Variants in RFX3 observed in about 807,000 individuals in gnomAD.
RFX3 encodes the protein transcription factor RFX3.
RFX3 carries 14 observed loss-of-function variants against 98.6 expected under a neutral mutation model. The ratio of observed to expected loss-of-function variants is 0.14; its 90% CI spans 0.09 to 0.22. RFX3 has a LOEUF of 0.22. Ranked by LOEUF, RFX3 falls within the 10% of genes least tolerant of loss-of-function variation. RFX3 has a pLI of 1.00. For missense variants in RFX3, 639 were observed against 926.9 expected (o/e 0.69, Z 4.03); for synonymous variants, 383 against 328.4 (o/e 1.17, Z -1.80).
chr9:3,488,289 C>T (rs1178013767), intron 1 of RFX3, among the ~76,000 whole-genome samples: 1 of 152,180 alleles, frequency 6.6e-6, no homozygotes, highest in Non-Finnish European at 1.5e-5. Flanking sequence ...TTCACCAACA[C>T]ATCTATTGAT....
At chr9:3,504,882 TATATA>T (rs1316269138) in intron 1 of RFX3, among the ~76,000 whole-genome samples, 19 of 70,834 alleles carry the variant, frequency 2.7e-4, no homozygotes, top group East Asian at 7.4e-4. Flanking sequence ...ATATATATTA[TATATA>T]ATATAACATA....
chr9:3,304,633 C>A (rs1332565352), intron 4 of RFX3, among the ~76,000 whole-genome samples: 5 of 151,942 alleles, frequency 3.3e-5, no homozygotes, highest in South Asian at 2.1e-4. Flanking sequence ...GTAAGTCTCA[C>A]GAGATCTGAT....
At chr9:3,452,899 G>C (rs1846792883) in intron 1 of RFX3, among the ~76,000 whole-genome samples, 1 of 152,098 alleles carries the variant, frequency 6.6e-6, no homozygotes, top group African/African-American at 2.4e-5. Flanking sequence ...CAGGAGATTA[G>C]ACTAAAATGA....
intron 1 of RFX3, among the ~76,000 whole-genome samples, chr9:3,516,055 A>AT (rs879285687): frequency 0.021 from 3,070 of 148,896 alleles, 85 homozygotes; most frequent in African/African-American, 0.053. Flanking sequence ...AAAAAAAAAA[A>AT]TTTTTTTTTT....
chr9:3,409,657 T>G (rs1842288642), intron 1 of RFX3, among the ~76,000 whole-genome samples: 1 of 152,196 alleles, frequency 6.6e-6, no homozygotes, highest in African/African-American at 2.4e-5. Flanking sequence ...TTTAACAAAA[T>G]GGCCATTCAG....
intron 1 of RFX3, among the ~76,000 whole-genome samples, chr9:3,399,368 T>A (rs535510738): frequency 1.3e-5 from 2 of 151,520 alleles, no homozygotes; most frequent in Admixed American, 1.3e-4. Flanking sequence ...CCCTTGAACT[T>A]GGGAGGCAGA....
rs1832918789 is a variant in RFX3, at chr9:3,334,331, A to C, written c.216-3814T>G. 2.0e-5 allele frequency among the ~76,000 whole-genome samples: 3 copies of C among 152,228 alleles called. No individual in the cohort carries two copies. The South Asian group carries it at 6.2e-4, about 32-fold the overall frequency. The stretch of plus-strand genomic sequence containing the variant: ...GCCATGGAAAAGGCAGGGCCATTTC[A>C]GAAGATACTTACCACTTCGGATTGG... On this transcript the variant is annotated intron_variant, in intron 3 of 16. Transcript: ENST00000617270.
rs529511294 is a variant in RFX3 at position 3,309,430 on chromosome 9, C to T, written c.475-7810G>A. 2.6e-5 allele frequency among the ~76,000 whole-genome samples: 4 copies of T among 152,252 alleles called. No homozygotes were observed. In the South Asian group the frequency reaches 6.2e-4, roughly 24 times the overall value. ...GAAAACTTCCCCAATCACCAAGATG[C>T]TAATGCTGCCTTGTTGGAATGAAGG... is the stretch of plus-strand genomic sequence containing the variant. On this transcript the variant is annotated intron_variant, in intron 4 of 16. Coordinates refer to ENST00000617270, the MANE Select transcript of RFX3 (RefSeq NM_001282116.2).
At chr9:3,436,507 T>A (rs975630569) in intron 1 of RFX3, among the ~76,000 whole-genome samples, 1 of 152,074 alleles carries the variant, frequency 6.6e-6, no homozygotes, top group Admixed American at 6.6e-5. Context: ...AGAGTATTTA[T>A]GTCAAAACTA....
At chr9:3,372,912 G>T (rs920929198) in intron 2 of RFX3, among the ~76,000 whole-genome samples, 1 of 151,956 alleles carries the variant, frequency 6.6e-6, no homozygotes, top group East Asian at 1.9e-4. Context: ...GTACTTAACA[G>T]TTCTTCCATT....
chr9:3,505,330 ATT>A (rs1178857058), intron 1 of RFX3, among the ~76,000 whole-genome samples: 1 of 91,124 alleles, frequency 1.1e-5, no homozygotes, highest in African/African-American at 5.6e-5. Context: ...GTATATTTAT[ATT>A]TTATATAAAT....
chr9:3,362,492 A>G (rs1346269181), intron 2 of RFX3, among the ~76,000 whole-genome samples: 1 of 152,192 alleles, frequency 6.6e-6, no homozygotes, highest in African/African-American at 2.4e-5. Flanking sequence ...ACTTTAACAG[A>G]TGCTTCCAGC....
In RFX3 at chr9:3,253,264, G is replaced by A. The variant is rs183781117; in HGVS notation, c.1814+3727C>T. On this transcript the variant is annotated intron_variant, in intron 14 of 16. Transcript: ENST00000617270. ...CACACCCTTCAGGTGAGAACATCAC[G>A]CCTGTGATCCTTATGTGAACTCACT... Among the ~76,000 whole-genome samples, 396 of 152,266 alleles carry A rather than the reference G, an allele frequency of 2.6e-3. 2 individuals carry two copies. Among genetic ancestry groups the A allele is most frequent in the African/African-American group, 9.2e-3 (384 of 41,550 alleles).
chr9:3,308,293 G>A (rs182679617), intron 4 of RFX3, among the ~76,000 whole-genome samples: 43 of 152,228 alleles, frequency 2.8e-4, no homozygotes, highest in African/African-American at 1.0e-3. Context: ...AGATCAAATG[G>A]TGGGGTGAGC....
At chr9:3,402,883 A>G (rs1841604004) in intron 1 of RFX3, among the ~76,000 whole-genome samples, 1 of 151,972 alleles carries the variant, frequency 6.6e-6, no homozygotes, top group African/African-American at 2.4e-5. Context: ...ATTCTGGAGT[A>G]GATAATGAAC....
At chr9:3,518,042 C>G (rs771617653) in intron 1 of RFX3, among the ~76,000 whole-genome samples, 3 of 152,174 alleles carry the variant, frequency 2.0e-5, no homozygotes, top group Non-Finnish European at 2.9e-5. Context: ...ATACTTATCT[C>G]TGAGTTACAA....
chr9:3,332,570 C>T (rs905501545), intron 3 of RFX3, among the ~76,000 whole-genome samples: 4 of 152,198 alleles, frequency 2.6e-5, no homozygotes, highest in Admixed American at 1.3e-4. Flanking sequence ...TCCAACTTTG[C>T]TGCCAGGAGA....
intron 1 of RFX3, among the ~76,000 whole-genome samples, chr9:3,483,486 T>C (rs1849988576): frequency 6.6e-6 from 1 of 152,044 alleles, no homozygotes; most frequent in Non-Finnish European, 1.5e-5. Context: ...ACACAGATAA[T>C]ACAAAGGAGG....
At chr9:3,375,926 C>T (rs1049170293) in intron 2 of RFX3, among the ~76,000 whole-genome samples, 1 of 151,948 alleles carries the variant, frequency 6.6e-6, no homozygotes, top group African/African-American at 2.4e-5. Flanking sequence ...CGCCACTGCA[C>T]TCCAGCCTGG....
Sources: allele counts gnomAD v4.1 joint callset (sites outside exome capture counted in the v4.1 genomes callset), GRCh38; gene constraint gnomAD v4.1.1; transcripts MANE v1.5; gene names NCBI Gene and HGNC (gene_info 2026-07-23, HGNC 2026-07-21).